Variants in CHD6 observed in about 807,000 individuals in gnomAD.
CHD6 encodes ATP-dependent chromatin remodeler CHD6.
In CHD6, 50 loss-of-function variants were observed where a neutral mutation model predicts 276.9. That is an observed-to-expected ratio of 0.18 (90% CI 0.14 to 0.23). CHD6 has a LOEUF of 0.23. CHD6 is among the 10% of genes least tolerant of loss of function. CHD6 has a pLI of 1.00. For missense variants in CHD6, 2,564 were observed against 3,365.8 expected (o/e 0.76, Z 5.89); for synonymous variants, 1,173 against 1,229.3 (o/e 0.95, Z 0.96).
At chr20:41,412,805 T>C (rs1044131696) in intron 35 of CHD6, among the ~76,000 whole-genome samples, 1 of 152,184 alleles carries the variant, frequency 6.6e-6, no homozygotes, top group African/African-American at 2.4e-5. Context: ...CTGAGGGACT[T>C]AGGACAAAGA....
Position 41,403,881 on chromosome 20 carries a change from G to C in CHD6, c.*712C>G. The C allele has an allele frequency of 9.5e-7, 1 of 1,056,866 alleles. No homozygotes were observed. The highest frequency in any genetic ancestry group is 1.1e-6 in the Non-Finnish European group (1 of 874,044). 65.5% of individuals were successfully genotyped at this position (1,056,866 alleles called of 1,614,324 possible). A position where few individuals can be genotyped will look rare whatever the true frequency, so the allele number is the denominator to read the frequency against. ...TCATGGTGGGTAAAGCTTTCTCGCAGCAAGAGGAATCTTTTCACTGGTGAG... is the reference window on the plus strand; with the variant it reads ...TCATGGTGGGTAAAGCTTTCTCGCACCAAGAGGAATCTTTTCACTGGTGAG... On this transcript the variant is annotated 3_prime_UTR_variant, in exon 37 of 37. Coordinates refer to ENST00000373233, the MANE Select transcript of CHD6 (RefSeq NM_032221.5).
At chr20:41,503,430 T>A (rs2043887363) in intron 5 of CHD6, among the ~76,000 whole-genome samples, 1 of 152,182 alleles carries the variant, frequency 6.6e-6, no homozygotes, top group African/African-American at 2.4e-5. Flanking sequence ...ATTCTTTCTC[T>A]TTATTGTAGT....
chr20:41,459,121 T>G (rs190304472), intron 17 of CHD6, among the ~76,000 whole-genome samples: 1 of 152,148 alleles, frequency 6.6e-6, no homozygotes, highest in South Asian at 2.1e-4. Flanking sequence ...AATCCTATGT[T>G]TGCCCATAAG....
chr20:41,585,731 G>C (rs1482709823), intron 1 of CHD6, among the ~76,000 whole-genome samples: 4 of 152,102 alleles, frequency 2.6e-5, no homozygotes, highest in Non-Finnish European at 5.9e-5. Flanking sequence ...ATTTCATGAG[G>C]CCAGCATTAC....
At chr20:41,411,206 T>A (rs1476365741) in intron 36 of CHD6, among the ~76,000 whole-genome samples, 1 of 6,060 alleles carries the variant, frequency 1.7e-4, no homozygotes, top group Non-Finnish European at 3.3e-4. Flanking sequence ...CCAGCGGTCA[T>A]CCAGGTGACA....
At chr20:41,576,119 A>G (rs1054663151) in intron 1 of CHD6, among the ~76,000 whole-genome samples, 6 of 152,234 alleles carry the variant, frequency 3.9e-5, no homozygotes, top group Non-Finnish European at 8.8e-5. Flanking sequence ...CACAGAAGTC[A>G]GGAAAATGAT....
At position 41,589,622 on chromosome 20, in the gene CHD6, A is replaced by C. The variant is rs555592386; in HGVS notation, c.-24+28718T>G. Among the ~76,000 whole-genome samples, 10 of 152,312 alleles carry C rather than the reference A, an allele frequency of 6.6e-5. No homozygotes were observed. In the East Asian group the frequency reaches 1.7e-3, roughly 26 times the overall value. ...ATGAGTGAACTCCCATTCACAATTG[A>C]TTCAAACAGAATAAAATACCTAGGA... On this transcript the variant is annotated intron_variant, in intron 1 of 36. Coordinates refer to ENST00000373233, the MANE Select transcript of CHD6 (RefSeq NM_032221.5).
intron 1 of CHD6, among the ~76,000 whole-genome samples, chr20:41,579,129 C>CAAAAAAA (rs58395642): frequency 2.3e-5 from 1 of 42,824 alleles, no homozygotes; most frequent in Non-Finnish European, 4.2e-5. Context: ...GACTCCATCT[C>CAAAAAAA]AAAAAAAAAA....
rs1334218483 is a variant in CHD6 at position 41,607,764 on chromosome 20, A to AG, written c.-24+10575dup. On this transcript the variant is annotated intron_variant, in intron 1 of 36. Coordinates refer to ENST00000373233, the MANE Select transcript of CHD6 (RefSeq NM_032221.5). Reference sequence around the variant, plus strand: ...ACAGTACAAAAGTAGACCATTCCACAGGAAAAAAAAAAAAAAAACACCTCA... The same window carrying AG: ...ACAGTACAAAAGTAGACCATTCCACAGGGAAAAAAAAAAAAAAAACACCTCA... Among the ~76,000 whole-genome samples, 252 of 113,706 alleles carry AG rather than the reference A, an allele frequency of 2.2e-3. 1 individual carries two copies. The highest frequency in any genetic ancestry group is 1.0e-2 in the African/African-American group (221 of 22,116). The allele number at this position is 113,706 out of a possible 152,430, so 74.6% of individuals were successfully genotyped here. A position where few individuals can be genotyped will look rare whatever the true frequency, so the allele number is the denominator to read the frequency against.
chr20:41,488,581 G>A lies in CHD6; in HGVS notation c.1704C>T (p.Phe568=). The A allele has an allele frequency of 6.2e-7, 1 of 1,613,574 alleles. No homozygotes were observed. Among genetic ancestry groups the A allele is most frequent in the Non-Finnish European group, 8.5e-7 (1 of 1,179,740 alleles). ...DAQGNPLSGV[F]KFHVVITTFE... is the part of the protein sequence containing the mutation. ...ATGTTGTGATGACGACGTGGAACTT[G>A]AAGACTCCTGAAAGGGGGTTTCCCT... Residue 568 remains phenylalanine (F), a synonymous_variant, in exon 13 of 37, where the codon TTC becomes TTT. Coordinates refer to ENST00000373233, the MANE Select transcript of CHD6 (RefSeq NM_032221.5).
At chr20:41,576,410 G>A (rs1426977658) in intron 1 of CHD6, among the ~76,000 whole-genome samples, 1 of 152,216 alleles carries the variant, frequency 6.6e-6, no homozygotes, top group Admixed American at 6.5e-5. Context: ...CACAGGCCAG[G>A]CGTGGTGGCT....
chr20:41,516,068 T>G (rs1316799897), intron 3 of CHD6, among the ~76,000 whole-genome samples: 1 of 152,214 alleles, frequency 6.6e-6, no homozygotes, highest in Non-Finnish European at 1.5e-5. Context: ...AACTAATGAT[T>G]GCAGCTAATA....
chr20:41,460,555 G>A lies in CHD6; in HGVS notation c.2665-3127C>T, dbSNP rs192132841. 5.0e-3 allele frequency among the ~76,000 whole-genome samples: 768 copies of A among 152,372 alleles called. 4 individuals are homozygous for A. Among genetic ancestry groups the A allele is most frequent in the Middle Eastern group, 0.037 (11 of 294 alleles). On this transcript the variant is annotated intron_variant, in intron 17 of 36. Transcript: ENST00000373233. ...CATGGCTGAAAGGGGCCAATGTACA[G>A]CTCAGGCTGTGGCTTCAGAGGGTGA...
At chr20:41,474,147 T>C (rs1046604957) in intron 16 of CHD6, among the ~76,000 whole-genome samples, 3 of 152,146 alleles carry the variant, frequency 2.0e-5, no homozygotes, top group South Asian at 2.1e-4. Flanking sequence ...GGAAAGGTTT[T>C]TGAGGTGTGT....
At chr20:41,603,074 T>G (rs1263745080) in intron 1 of CHD6, among the ~76,000 whole-genome samples, 2 of 151,960 alleles carry the variant, frequency 1.3e-5, no homozygotes, top group Non-Finnish European at 2.9e-5. Flanking sequence ...TGAATTATGC[T>G]GGGCATGGTG....
Position 41,484,451 on chromosome 20 carries a change from A to G in CHD6, c.2158T>C (p.Ser720Pro), listed in dbSNP as rs980159102. Residue 720 changes from serine to proline, a missense_variant, in exon 15 of 37, where the codon TCC becomes CCC. Ser to Pro is a moderately conservative substitution (Grantham distance 74, BLOSUM62 -1). Transcript: ENST00000373233. ...YYRAILEKNF[S>P]FLTKGANQHN... The stretch of plus-strand genomic sequence containing the variant: ...TGATTTGCCCCCTTGGTCAGGAAGG[A>G]AAAGTTCTTCTCGAGGATGGCACGG... 4 of 1,613,876 alleles carry G rather than the reference A, an allele frequency of 2.5e-6. No homozygotes were observed. Among genetic ancestry groups the G allele is most frequent in the Non-Finnish European group, 3.4e-6 (4 of 1,179,856 alleles).
At chr20:41,416,828 A>T (rs780996432) in intron 32 of CHD6, 34 bp from the exon 33 acceptor site, 19 of 1,457,596 alleles carry the variant, frequency 1.3e-5, no homozygotes, top group Non-Finnish European at 1.7e-5. Flanking sequence ...ATGAATAAGG[A>T]TCGAGTTACC....
chr20:41,441,272 A>G (rs1466444230), intron 25 of CHD6, among the ~76,000 whole-genome samples: 2 of 152,190 alleles, frequency 1.3e-5, no homozygotes, highest in Non-Finnish European at 2.9e-5. Flanking sequence ...CTGACACTGT[A>G]CAGACTCAAC....
rs183224937 is a variant in CHD6 at position 41,528,601 on chromosome 20, G to A, written c.554+4449C>T. Among the ~76,000 whole-genome samples, 82 of 152,266 alleles carry A rather than the reference G, an allele frequency of 5.4e-4. No homozygotes were observed. In the East Asian group the frequency reaches 0.013, roughly 24 times the overall value. ...ACTCAAAAATAATTTAGAGAATTAAGCCAGGTTTGGTGATATATATCTGTA... is the reference window on the plus strand; with the variant it reads ...ACTCAAAAATAATTTAGAGAATTAAACCAGGTTTGGTGATATATATCTGTA... On this transcript the variant is annotated intron_variant, in intron 3 of 36. Coordinates refer to ENST00000373233, the MANE Select transcript of CHD6 (RefSeq NM_032221.5).
Sources: allele counts gnomAD v4.1 joint callset (sites outside exome capture counted in the v4.1 genomes callset), GRCh38; gene constraint gnomAD v4.1.1; transcripts MANE v1.5; gene names NCBI Gene and HGNC (gene_info 2026-07-23, HGNC 2026-07-21).